ZZEF1: variants seen among roughly 807,000 people sequenced by gnomAD.
ZZEF1 encodes zinc finger ZZ-type and EF-hand domain-containing protein 1.
In ZZEF1, 157 loss-of-function variants were observed where a neutral mutation model predicts 342.8. The observed-to-expected ratio is 0.46, with a 90% confidence interval of 0.40 to 0.52. The LOEUF is 0.52. Ranked by LOEUF, ZZEF1 falls within the 20% of genes least tolerant of loss-of-function variation. The pLI is 0.00. For missense variants in ZZEF1, 3,480 were observed against 3,725.6 expected, an observed-to-expected ratio of 0.93 and a Z score of 1.72; for synonymous variants, 1,505 against 1,429.1, an observed-to-expected ratio of 1.05 and a Z score of -1.20.
chr17:4,059,453 C>T (rs2057238347), intron 30 of ZZEF1, among the ~76,000 whole-genome samples, 163 bp from the exon 31 acceptor site: 1 of 152,052 alleles, frequency 6.6e-6, no homozygotes, highest in South Asian at 2.1e-4. Flanking sequence ...AGGTAACACA[C>T]AAAACAGCAA....
chr17:4,044,962 T>C (rs778622640), intron 37 of ZZEF1, among the ~76,000 whole-genome samples: 9 of 152,126 alleles, frequency 5.9e-5, no homozygotes, highest in Non-Finnish European at 1.2e-4. Flanking sequence ...AACACCAGCA[T>C]GGCCAACATG....
In ZZEF1 at chr17:4,109,836, A is replaced by T. The variant is rs781058400; in HGVS notation, c.1094T>A (p.Leu365His). Reference sequence around the variant, plus strand: ...AATTCTAGTGTCGCAGCCATCGCTAAGACAACGCTTTATGTTAATCTGGAC... The same window carrying T: ...AATTCTAGTGTCGCAGCCATCGCTATGACAACGCTTTATGTTAATCTGGAC... ...LYVQINIKRC[L>H]SDGCDTRIHG... Residue 365 changes from leucine to histidine, a missense_variant, in exon 6 of 55, where the codon CTT becomes CAT. Transcript: ENST00000381638. The T allele has an allele frequency of 1.2e-6, 2 of 1,614,226 alleles. No individual in the cohort carries two copies. Among genetic ancestry groups the T allele is most frequent in the Non-Finnish European group, 1.7e-6 (2 of 1,180,036 alleles).
rs76849800 is a variant in ZZEF1 at position 4,013,368 on chromosome 17, C to T, written c.8579+81G>A. The T allele has an allele frequency of 5.2e-6, 7 of 1,347,404 alleles. No homozygotes were observed. In the East Asian group the frequency reaches 1.6e-4, roughly 31 times the overall value. 83.5% of individuals were successfully genotyped at this position (1,347,404 alleles called of 1,614,324 possible). ...CACAAATGTCTTTTCATCAAAGTCA[C>T]CACTAACAGCAAGAAAGGGCCAGCC... is the stretch of plus-strand genomic sequence containing the variant. On this transcript the variant is annotated intron_variant, in intron 52 of 54. Transcript: ENST00000381638.
At chr17:4,078,548 G>A (rs181040055) in intron 18 of ZZEF1, among the ~76,000 whole-genome samples, 13 of 152,362 alleles carry the variant, frequency 8.5e-5, no homozygotes, top group Admixed American at 5.2e-4. Context: ...CTGGGTAGGA[G>A]TAAGTAGAAA....
rs1308370596 is a variant in ZZEF1, at chr17:4,070,915, T to C, written c.3844A>G (p.Ile1282Val). The change falls in exon 26 of 55, where the codon ATT becomes GTT. Residue 1282 changes from isoleucine to valine, a missense_variant. Physicochemically the swap from Ile to Val is conservative, Grantham distance 29. This residue lies in a region of ZZEF1 where 1,528 missense variants were observed against 1,624.1 expected (regional missense o/e 0.94). Transcript: ENST00000381638. Reference protein sequence around the residue: ...PHRNSKEVKNIPDDPCRHFLL... With the variant: ...PHRNSKEVKNVPDDPCRHFLL... Reference sequence around the variant, plus strand: ...AAATGGCGGCAGGGGTCGTCAGGAATGTTCTTAACCTGGAAACAAAAAATA... The same window carrying C: ...AAATGGCGGCAGGGGTCGTCAGGAACGTTCTTAACCTGGAAACAAAAAATA... The C allele has an allele frequency of 2.5e-6, 4 of 1,613,340 alleles. No individual in the cohort carries two copies. Among genetic ancestry groups the C allele is most frequent in the Non-Finnish European group, 3.4e-6 (4 of 1,179,730 alleles).
chr17:4,087,077 T>C (rs542227253), intron 14 of ZZEF1, among the ~76,000 whole-genome samples: 4 of 152,302 alleles, frequency 2.6e-5, no homozygotes, highest in African/African-American at 9.6e-5. Context: ...AGACGGGGTT[T>C]CACCATATTG....
At chr17:4,022,096 T>C (rs547488858) in intron 44 of ZZEF1, among the ~76,000 whole-genome samples, 10 of 152,376 alleles carry the variant, frequency 6.6e-5, no homozygotes, top group East Asian at 3.9e-4. Context: ...CTTCTGGCAA[T>C]TGAGAGCTGT....
chr17:4,129,063 G>A (rs1300174925), intron 1 of ZZEF1, among the ~76,000 whole-genome samples: 3 of 151,814 alleles, frequency 2.0e-5, no homozygotes, highest in Non-Finnish European at 4.4e-5. Flanking sequence ...CACCGCACCC[G>A]GCCCAAAAAA....
In ZZEF1 at chr17:4,083,839, T is replaced by C. The variant is rs79378022; in HGVS notation, c.2647-1335A>G. 8.5e-3 allele frequency among the ~76,000 whole-genome samples: 1,298 copies of C among 152,266 alleles called. 17 individuals are homozygous for C. The highest frequency in any genetic ancestry group is 0.03 in the African/African-American group (1,241 of 41,530). ...TTTCTATAGGCCTTTGTGCATCCCATAGACCACTTTTCTTATGTCTGCTCA... is the reference window on the plus strand; with the variant it reads ...TTTCTATAGGCCTTTGTGCATCCCACAGACCACTTTTCTTATGTCTGCTCA... On this transcript the variant is annotated intron_variant, in intron 16 of 54. Transcript: ENST00000381638.
At chr17:4,131,859 C>G (rs894627168) in intron 1 of ZZEF1, among the ~76,000 whole-genome samples, 4 of 152,046 alleles carry the variant, frequency 2.6e-5, no homozygotes, top group Admixed American at 2.0e-4. Context: ...AGGTAAAGGT[C>G]AAAGGGTGAT....
chr17:4,083,988 C>T (rs2057773282), intron 16 of ZZEF1, among the ~76,000 whole-genome samples: 1 of 152,136 alleles, frequency 6.6e-6, no homozygotes, highest in East Asian at 1.9e-4. Flanking sequence ...ATAATCATAT[C>T]AAAACAAATA....
At chr17:4,112,576 T>A (rs1348588487) in intron 5 of ZZEF1, 33 bp downstream of exon 5, 5 of 1,611,330 alleles carry the variant, frequency 3.1e-6, no homozygotes, top group Admixed American at 1.7e-5. Flanking sequence ...ACTCCCTTGC[T>A]TTTCCCTATC....
At chr17:4,049,536 A>T (rs2056999652) in intron 37 of ZZEF1, among the ~76,000 whole-genome samples, 172 bp downstream of exon 37, 1 of 152,132 alleles carries the variant, frequency 6.6e-6, no homozygotes, top group Admixed American at 6.5e-5. Context: ...AAAATAAAAC[A>T]AACACTGAAG....
chr17:4,013,381 G>T (rs865793068), intron 52 of ZZEF1, 68 bp downstream of exon 52: 44 of 1,419,340 alleles, frequency 3.1e-5, no homozygotes, highest in Middle Eastern at 2.4e-4. Flanking sequence ...CTAACAGCAA[G>T]AAAGGGCCAG....
intron 9 of ZZEF1, among the ~76,000 whole-genome samples, chr17:4,097,884 C>G (rs576091733): frequency 7.1e-6 from 1 of 141,098 alleles, no homozygotes; most frequent in African/African-American, 2.7e-5. Context: ...TCACTTGAGC[C>G]TCAAAACCAG....
intron 29 of ZZEF1, 48 bp from the exon 30 acceptor site, chr17:4,062,965 G>A (rs777416649): frequency 2.1e-5 from 33 of 1,557,840 alleles, no homozygotes; most frequent in Non-Finnish European, 2.8e-5. Flanking sequence ...TCTTGAGCTG[G>A]GGCAGACGGA....
At chr17:4,134,640 A>T (rs918757814) in intron 1 of ZZEF1, among the ~76,000 whole-genome samples, 1 of 152,118 alleles carries the variant, frequency 6.6e-6, no homozygotes, top group Non-Finnish European at 1.5e-5. Flanking sequence ...CTCTAAAGGT[A>T]GGTACTACCT....
intron 1 of ZZEF1, among the ~76,000 whole-genome samples, chr17:4,131,557 T>C (rs921749187): frequency 3.9e-4 from 59 of 151,838 alleles, no homozygotes; most frequent in Admixed American, 1.3e-4. Context: ...GGTGGGTGGA[T>C]TGCATGAGTC....
At chr17:4,026,195 A>C (rs2056398812) in intron 42 of ZZEF1, among the ~76,000 whole-genome samples, 1 of 152,240 alleles carries the variant, frequency 6.6e-6, no homozygotes, top group South Asian at 2.1e-4. Flanking sequence ...TGGAGCTCAC[A>C]GAGAGCTGGG....
Sources: allele counts gnomAD v4.1 joint callset (sites outside exome capture counted in the v4.1 genomes callset), GRCh38; gene constraint gnomAD v4.1.1; regional missense constraint gnomAD v4.1.1; transcripts MANE v1.5; gene names NCBI Gene and HGNC (gene_info 2026-07-23, HGNC 2026-07-21).